The following TANC2 variants were observed in gnomAD, a reference collection of about 807,000 sequenced individuals.
TANC2 encodes the protein protein TANC2.
A neutral mutation model predicts 210.5 loss-of-function variants in TANC2; 26 were observed. The ratio of observed to expected loss-of-function variants is 0.12; its 90% CI spans 0.09 to 0.17. The LOEUF is 0.17. Ranked by LOEUF, TANC2 falls within the 10% of genes least tolerant of loss-of-function variation. The probability of loss-of-function intolerance (pLI) is 1.00; values close to 1 mark genes in which losing one functional copy is unlikely to be tolerated. For synonymous variants in TANC2, 931 were observed against 967.1 expected (o/e 0.96, Z 0.69); for missense variants, 2,129 against 2,608.9 (o/e 0.82, Z 4.01).
chr17:62,966,446 C>T lies in TANC2; in HGVS notation c.-327C>T, dbSNP rs2031336785. ...CGGCCCCGCCCCCATTCCCATCCCC[C>T]TCGCGCTCACCTCCCGGCTGTGCCG... On this transcript the variant is annotated 5_prime_UTR_variant, in exon 1 of 28. Transcript: ENST00000689528. The surrounding 1 kb of genome is among the most constrained non-coding windows in gnomAD (Gnocchi z 5.1). Among the ~76,000 whole-genome samples, 1 of 148,294 alleles carries T rather than the reference C, an allele frequency of 6.7e-6. No homozygotes were observed. The highest frequency in any genetic ancestry group is 1.5e-5 in the Non-Finnish European group (1 of 66,474).
intron 5 of TANC2, among the ~76,000 whole-genome samples, chr17:63,179,256 A>G (rs2040694615): frequency 6.6e-6 from 1 of 152,204 alleles, no homozygotes; most frequent in Admixed American, 6.5e-5. Flanking sequence ...TTAAGTAGCT[A>G]TTTAGACAAT....
chr17:63,031,543 T>G (rs970209651), intron 2 of TANC2, among the ~76,000 whole-genome samples: 1 of 152,152 alleles, frequency 6.6e-6, no homozygotes, highest in Admixed American at 6.6e-5. Flanking sequence ...TGTTCTACTT[T>G]GTTTCCATTT....
chr17:63,264,994 A>G (rs967389289), intron 8 of TANC2, among the ~76,000 whole-genome samples: 3 of 152,218 alleles, frequency 2.0e-5, no homozygotes, highest in African/African-American at 7.2e-5. Context: ...CCTGTTGCCA[A>G]CATCACTCCC....
intron 7 of TANC2, among the ~76,000 whole-genome samples, chr17:63,221,316 G>A (rs996117350): frequency 6.6e-6 from 1 of 151,666 alleles, no homozygotes; most frequent in African/African-American, 2.4e-5. Context: ...GGTGGTGTGT[G>A]CCTGTAATCC....
intron 3 of TANC2, among the ~76,000 whole-genome samples, chr17:63,098,474 ACACACATACACTCT>A (rs1490114559): frequency 0.066 from 2,635 of 39,928 alleles, 76 homozygotes; most frequent in Non-Finnish European, 0.092. Context: ...ACACACACAC[ACACACATACACTCT>A]CTCTCTCTCT....
intron 1 of TANC2, 101 bp from the exon 2 acceptor site, chr17:63,009,436 T>G: frequency 1.4e-6 from 1 of 733,286 alleles, no homozygotes; most frequent in Non-Finnish European, 2.3e-6. Flanking sequence ...AGTTGTACCC[T>G]TTAAGTTATT....
intron 4 of TANC2, among the ~76,000 whole-genome samples, chr17:63,117,751 GA>G (rs2038307725): frequency 6.6e-6 from 1 of 152,174 alleles, no homozygotes; most frequent in African/African-American, 2.4e-5. Flanking sequence ...TAGTGAGGAA[GA>G]AAAACTAAAA....
At chr17:63,358,775 C>T (rs924312252) in intron 14 of TANC2, among the ~76,000 whole-genome samples, 10 of 152,296 alleles carry the variant, frequency 6.6e-5, no homozygotes, top group African/African-American at 2.4e-4. Context: ...TAGTGACTCT[C>T]ATAGTAGAAA....
At chr17:63,332,817 A>G (rs2045902072) in intron 11 of TANC2, among the ~76,000 whole-genome samples, 1 of 152,198 alleles carries the variant, frequency 6.6e-6, no homozygotes, top group Admixed American at 6.5e-5. Context: ...GCCAATGTTC[A>G]TTTACCATTC....
At chr17:63,255,493 A>G (rs2043168082) in intron 8 of TANC2, among the ~76,000 whole-genome samples, 1 of 152,070 alleles carries the variant, frequency 6.6e-6, no homozygotes, top group Non-Finnish European at 1.5e-5. Context: ...TTTTGATCTC[A>G]TTACTTTGTC....
At chr17:63,311,272 A>G (rs1185877992) in intron 9 of TANC2, among the ~76,000 whole-genome samples, 1 of 152,202 alleles carries the variant, frequency 6.6e-6, no homozygotes, top group Non-Finnish European at 1.5e-5. Flanking sequence ...ATTTAGTTAT[A>G]TAATGGAAGA....
At chr17:63,324,289 A>G (rs1598854495) in intron 11 of TANC2, among the ~76,000 whole-genome samples, 2 of 152,182 alleles carry the variant, frequency 1.3e-5, no homozygotes, top group African/African-American at 2.4e-5. Flanking sequence ...AAGGAAATCT[A>G]TGTAAGAAAA....
intron 11 of TANC2, among the ~76,000 whole-genome samples, chr17:63,327,458 A>G (rs1390534117): frequency 6.6e-6 from 1 of 152,260 alleles, no homozygotes; most frequent in East Asian, 1.9e-4. Flanking sequence ...TAGCCAAGAT[A>G]TGGAACCAAG....
At chr17:63,044,691 A>G (rs1001032553) in intron 2 of TANC2, among the ~76,000 whole-genome samples, 3 of 152,136 alleles carry the variant, frequency 2.0e-5, no homozygotes, top group African/African-American at 7.2e-5. Flanking sequence ...ACCAATTTAT[A>G]TTCTTAGAAG....
At chr17:62,981,015 A>G (rs1279240765) in intron 1 of TANC2, among the ~76,000 whole-genome samples, 1 of 152,188 alleles carries the variant, frequency 6.6e-6, no homozygotes, top group Non-Finnish European at 1.5e-5. Flanking sequence ...CATCTGTTTT[A>G]TACCTGTATA....
At chr17:63,083,745 T>C (rs1381884338) in intron 3 of TANC2, among the ~76,000 whole-genome samples, 2 of 152,208 alleles carry the variant, frequency 1.3e-5, no homozygotes, top group African/African-American at 4.8e-5. Context: ...CATATGGATA[T>C]GATCATGTGA....
intron 5 of TANC2, among the ~76,000 whole-genome samples, chr17:63,156,128 A>G (rs1163204117): frequency 1.3e-5 from 2 of 152,078 alleles, no homozygotes; most frequent in African/African-American, 4.8e-5. Context: ...AATCTTCTGT[A>G]TGATTTTGCA....
intron 5 of TANC2, among the ~76,000 whole-genome samples, chr17:63,183,865 A>G (rs1330666642): frequency 6.6e-6 from 1 of 152,172 alleles, no homozygotes; most frequent in Non-Finnish European, 1.5e-5. Flanking sequence ...AAAATACAAA[A>G]AATTAGCCGG....
chr17:63,141,823 A>C (rs930723288), intron 4 of TANC2, among the ~76,000 whole-genome samples: 4 of 152,298 alleles, frequency 2.6e-5, no homozygotes, highest in African/African-American at 7.2e-5. Flanking sequence ...TTTAATTCTT[A>C]TTTGAGTGCC....
Sources: gnomAD v4.1 joint callset for allele counts (sites outside exome capture counted in the v4.1 genomes callset) on GRCh38, gnomAD v4.1.1 for gene constraint, Gnocchi (gnomAD v3.1) non-coding constraint, MANE v1.5 for transcripts, NCBI Gene and HGNC (gene_info 2026-07-23, HGNC 2026-07-21) for gene names.